RASGRF1: variants seen among roughly 807,000 people sequenced by gnomAD.
RASGRF1 encodes the protein Ras protein specific guanine nucleotide releasing factor 1.
A neutral mutation model predicts 138.7 loss-of-function variants in RASGRF1; 40 were observed. That is an observed-to-expected ratio of 0.29 (90% CI 0.22 to 0.38). RASGRF1 has a LOEUF of 0.38. Among genes scored for constraint, RASGRF1 ranks in the 10% least tolerant of loss-of-function variants. The probability of loss-of-function intolerance (pLI) is 1.00; values close to 1 mark genes in which losing one functional copy is unlikely to be tolerated. For synonymous variants in RASGRF1, 614 were observed against 663.2 expected (o/e 0.93, Z 1.14); for missense variants, 1,108 against 1,650.4 (o/e 0.67, Z 5.69).
intron 15 of RASGRF1, among the ~76,000 whole-genome samples, chr15:79,003,192 C>A (rs1293649137): frequency 6.6e-6 from 1 of 152,254 alleles, no homozygotes; most frequent in East Asian, 1.9e-4. Context: ...TCATTCCCAT[C>A]CTGTTCCCAT....
chr15:79,032,536 C>T lies in RASGRF1; in HGVS notation c.959-220G>A, dbSNP rs1002178878. Among the ~76,000 whole-genome samples, 5 of 152,154 alleles carry T rather than the reference C, an allele frequency of 3.3e-5. No homozygotes were observed. Among genetic ancestry groups the T allele is most frequent in the African/African-American group, 9.7e-5 (4 of 41,438 alleles). On this transcript the variant is annotated intron_variant, in intron 6 of 26. Coordinates refer to ENST00000558480, the MANE Select transcript of RASGRF1 (RefSeq NM_001145648.3). The surrounding 1 kb of genome is among the most constrained non-coding windows in gnomAD (Gnocchi z 4.5). ...ATTGGGACCACATTAGAATCACAGA[C>T]TCTTAGAGACGTGGGGCCCTGTCTA...
intron 2 of RASGRF1, among the ~76,000 whole-genome samples, chr15:79,060,211 C>T (rs896879174): frequency 4.6e-5 from 7 of 152,174 alleles, no homozygotes; most frequent in Admixed American, 1.3e-4. Flanking sequence ...GAAGGTGCCT[C>T]GATTTCCCTT....
At chr15:79,009,599 G>A (rs961395235) in intron 13 of RASGRF1, among the ~76,000 whole-genome samples, 2 of 152,276 alleles carry the variant, frequency 1.3e-5, no homozygotes, top group South Asian at 4.1e-4. Context: ...TCCTGCCACC[G>A]GAAGGGGAAG....
chr15:79,066,423 G>A lies in RASGRF1; in HGVS notation c.277-1897C>T, dbSNP rs142817286. 3.7e-3 allele frequency among the ~76,000 whole-genome samples: 569 copies of A among 152,344 alleles called. 7 individuals carry two copies. The highest frequency in any genetic ancestry group is 0.013 in the African/African-American group (541 of 41,570). ...CACCTCAGGGAGCCTGTAGGTAGGT[G>A]AGACTCAGAGTCCCAAATCAGAAAC... On this transcript the variant is annotated intron_variant, in intron 1 of 26. Transcript: ENST00000558480.
At chr15:78,991,389 T>A (rs2056263783) in intron 21 of RASGRF1, among the ~76,000 whole-genome samples, 1 of 152,222 alleles carries the variant, frequency 6.6e-6, no homozygotes, top group Admixed American at 6.5e-5. Flanking sequence ...GCACAGTTTC[T>A]CACAGGTACA....
intron 2 of RASGRF1, among the ~76,000 whole-genome samples, chr15:79,059,162 CCCTTCCCTTCCCTAT>C (rs2057551617): frequency 1.3e-5 from 2 of 151,044 alleles, no homozygotes; most frequent in African/African-American, 4.9e-5. Context: ...CCCTATCCTT[CCCTTCCCTTCCCTAT>C]CCTTCCCTTC....
chr15:79,004,042 GGCTCGGT>G lies in RASGRF1; in HGVS notation c.2202_2208del (p.Pro735AlafsTer7). 2 of 1,614,168 alleles carry G rather than the reference GGCTCGGT, an allele frequency of 1.2e-6. No homozygotes were observed. The highest frequency in any genetic ancestry group is 1.7e-6 in the Non-Finnish European group (2 of 1,180,022). On this transcript the variant is annotated frameshift_variant, in exon 15 of 27. Transcript: ENST00000558480. LOFTEE classifies it high-confidence loss of function. ...ATGTTCAGGGAGAGCTTCCGCCGGCGGCTCGGTGACGATGTCTTGGTGATGGACAGAG... is the reference window on the plus strand; with the variant it reads ...ATGTTCAGGGAGAGCTTCCGCCGGCGGACGATGTCTTGGTGATGGACAGAG...
intron 8 of RASGRF1, 52 bp downstream of exon 8, chr15:79,031,348 C>T: frequency 1.4e-6 from 2 of 1,405,746 alleles, no homozygotes; most frequent in South Asian, 1.3e-5. Flanking sequence ...TGAGGGGCAC[C>T]CTCAGCCCTG....
At chr15:79,083,704 G>A (rs910761283) in intron 1 of RASGRF1, among the ~76,000 whole-genome samples, 2 of 152,226 alleles carry the variant, frequency 1.3e-5, no homozygotes, top group South Asian at 2.1e-4. Flanking sequence ...GAATCAGGAA[G>A]ACCTCCTGGG....
At chr15:79,059,975 C>CAG (rs1225340232) in intron 2 of RASGRF1, among the ~76,000 whole-genome samples, 1 of 11,882 alleles carries the variant, frequency 8.4e-5, no homozygotes, top group Non-Finnish European at 1.9e-4. Context: ...CACACACACA[C>CAG]ACACACAGAC....
intron 22 of RASGRF1, among the ~76,000 whole-genome samples, chr15:78,988,839 GT>G (rs555940270): frequency 2.4e-5 from 3 of 127,094 alleles, no homozygotes; most frequent in African/African-American, 6.0e-5. Context: ...CTGGGAGGGA[GT>G]TTTTTTTTTT....
At chr15:78,988,043 T>G (rs28716558) in intron 22 of RASGRF1, among the ~76,000 whole-genome samples, 2,394 of 152,330 alleles carry the variant, frequency 0.016, 27 homozygotes, top group Middle Eastern at 0.024. Flanking sequence ...GCACACATCC[T>G]GTGTATCAGA....
intron 2 of RASGRF1, 141 bp from the exon 3 acceptor site, chr15:79,058,622 G>A: frequency 4.3e-6 from 5 of 1,150,842 alleles, no homozygotes; most frequent in Non-Finnish European, 6.1e-6. Context: ...TGCAGAGTGA[G>A]AGGGCTTGGC....
chr15:79,078,588 C>T (rs1033256186), intron 1 of RASGRF1, among the ~76,000 whole-genome samples: 4 of 152,144 alleles, frequency 2.6e-5, no homozygotes, highest in Non-Finnish European at 2.9e-5. Context: ...CCACACCAAT[C>T]CAGAAAGAAC....
At chr15:79,060,404 A>C (rs2057587821) in intron 2 of RASGRF1, among the ~76,000 whole-genome samples, 1 of 152,198 alleles carries the variant, frequency 6.6e-6, no homozygotes, top group Non-Finnish European at 1.5e-5. Flanking sequence ...GATGATGCAT[A>C]TGGAGAGGTT....
In RASGRF1 at chr15:79,032,147, G is replaced by A. The variant is rs2141001011; in HGVS notation, c.1128C>T (p.Thr376=). 1.9e-6 allele frequency: 3 copies of A among 1,614,000 alleles called. No individual in the cohort carries two copies. The change falls in exon 7 of 27, where the codon ACC becomes ACT. Residue 376 remains threonine, a synonymous_variant. Coordinates refer to ENST00000558480, the MANE Select transcript of RASGRF1 (RefSeq NM_001145648.3). The surrounding 1 kb of genome is among the most constrained non-coding windows in gnomAD (Gnocchi z 4.5). The part of the protein sequence containing the change: ...KPDCEERTLE[T]FLTYPMFQIP... Reference sequence around the variant, plus strand: ...CCTGGAACATGGGGTAGGTGAGGAAGGTCTCCAGCGTCCTCTCCTCGCAGT... The same window carrying A: ...CCTGGAACATGGGGTAGGTGAGGAAAGTCTCCAGCGTCCTCTCCTCGCAGT...
intron 23 of RASGRF1, chr15:78,980,930 G>A: frequency 2.6e-6 from 1 of 385,658 alleles, no homozygotes; most frequent in African/African-American, 2.0e-5. Context: ...GCAAGGAAGT[G>A]GGTGTGAGGG....
rs542801888 is a variant in RASGRF1 at position 79,011,057 on chromosome 15, C to T, written c.1826+4270G>A. 9.9e-5 allele frequency among the ~76,000 whole-genome samples: 15 copies of T among 152,196 alleles called. No individual in the cohort carries two copies. The East Asian group carries it at 2.5e-3, about 26-fold the overall frequency. On this transcript the variant is annotated intron_variant, in intron 13 of 26. Coordinates refer to ENST00000558480, the MANE Select transcript of RASGRF1 (RefSeq NM_001145648.3). Reference sequence around the variant, plus strand: ...GGAGACATATGGAAGGAATACCCCCCACTTCCCACCTATCACCCCTGCACC... The same window carrying T: ...GGAGACATATGGAAGGAATACCCCCTACTTCCCACCTATCACCCCTGCACC...
intron 5 of RASGRF1, among the ~76,000 whole-genome samples, chr15:79,039,756 T>C (rs2141014081): frequency 6.6e-6 from 1 of 152,274 alleles, no homozygotes; most frequent in Middle Eastern, 3.4e-3. Context: ...GCTGTAGATA[T>C]AGGGAAAAAC....
Sources: gnomAD v4.1 joint callset for allele counts (sites outside exome capture counted in the v4.1 genomes callset) on GRCh38, gnomAD v4.1.1 for gene constraint, Gnocchi (gnomAD v3.1) non-coding constraint, MANE v1.5 for transcripts, NCBI Gene and HGNC (gene_info 2026-07-23, HGNC 2026-07-21) for gene names.